LINGO2: variants seen among roughly 807,000 people sequenced by gnomAD.
LINGO2 encodes leucine rich repeat and Ig domain containing 2, also known as leucine-rich repeat and immunoglobulin-like domain-containing nogo receptor-interacting protein 2.
LINGO2 carries 14 observed loss-of-function variants against 30.6 expected under a neutral mutation model. That is an observed-to-expected ratio of 0.46 (90% CI 0.30 to 0.72). LINGO2 has a LOEUF of 0.72. Among genes scored for constraint, LINGO2 ranks in the 30% least tolerant of loss-of-function variants. The probability of loss-of-function intolerance (pLI) is 0.07; values close to 1 mark genes in which losing one functional copy is unlikely to be tolerated. For synonymous variants in LINGO2, 317 were observed against 288.5 expected (o/e 1.10, Z -1.00); for missense variants, 729 against 751.7 (o/e 0.97, Z 0.35).
chr9:28,964,127 C>T, the LINGO2 span, among the ~76,000 whole-genome samples: 2 of 151,854 alleles, frequency 1.3e-5, no homozygotes, highest in African/African-American at 4.8e-5. Context: ...TATATACACA[C>T]ATACATATAC....
At chr9:28,752,996 C>A in the LINGO2 span, among the ~76,000 whole-genome samples, 1 of 152,058 alleles carries the variant, frequency 6.6e-6, no homozygotes, top group African/African-American at 2.4e-5. Context: ...ATCATCACTT[C>A]CAGGCCACAT....
intron 4 of LINGO2, among the ~76,000 whole-genome samples, chr9:28,236,101 T>A (rs1821554146): frequency 6.6e-6 from 1 of 151,894 alleles, no homozygotes; most frequent in Admixed American, 6.5e-5. Flanking sequence ...AAGAAACAAA[T>A]AACATACAAT....
intron 4 of LINGO2, among the ~76,000 whole-genome samples, chr9:28,219,209 T>C (rs1820874253): frequency 1.3e-5 from 2 of 152,194 alleles, no homozygotes; most frequent in South Asian, 4.1e-4. Context: ...TGGATGTCTT[T>C]TTGTGCCAGG....
At chr9:29,142,443 A>G in the LINGO2 span, among the ~76,000 whole-genome samples, 1 of 151,892 alleles carries the variant, frequency 6.6e-6, no homozygotes, top group African/African-American at 2.4e-5. Context: ...TTAAATTCCC[A>G]TATTTAAAAA....
intron 3 of LINGO2, among the ~76,000 whole-genome samples, chr9:28,347,423 C>T (rs537072014): frequency 8.2e-5 from 2 of 24,472 alleles, no homozygotes; most frequent in South Asian, 2.8e-3. Flanking sequence ...GTTGACCTGG[C>T]AGAGAGTGAT....
At chr9:28,369,332 A>T (rs187588163) in intron 3 of LINGO2, among the ~76,000 whole-genome samples, 293 of 152,230 alleles carry the variant, frequency 1.9e-3, no homozygotes, top group Middle Eastern at 3.4e-3. Context: ...TTGGGGGGTT[A>T]TGCATTATTT....
chr9:28,023,306 C>T (rs1160415203), intron 4 of LINGO2, among the ~76,000 whole-genome samples: 4 of 152,156 alleles, frequency 2.6e-5, no homozygotes, highest in African/African-American at 9.7e-5. Flanking sequence ...TAATGTTTAT[C>T]TGGCTAGAAG....
the LINGO2 span, among the ~76,000 whole-genome samples, chr9:29,188,784 G>A: frequency 1.4e-5 from 2 of 145,666 alleles, no homozygotes; most frequent in Admixed American, 6.7e-5. Flanking sequence ...CGGCCGGGCA[G>A]AGGCGCCCCT....
At chr9:27,953,799 AAACT>A in intron 5 of LINGO2, among the ~76,000 whole-genome samples, 1 of 122,078 alleles carries the variant, frequency 8.2e-6, no homozygotes, top group East Asian at 3.2e-4. Flanking sequence ...GCATGAGAAC[AAACT>A]AATACAACTG....
intron 5 of LINGO2, among the ~76,000 whole-genome samples, chr9:27,968,966 AGTTT>A (rs1300001351): frequency 1.3e-5 from 2 of 151,826 alleles, no homozygotes; most frequent in East Asian, 1.9e-4. Flanking sequence ...TATATATTCT[AGTTT>A]ATTTATATTT....
At chr9:28,053,817 G>A (rs955835287) in intron 4 of LINGO2, among the ~76,000 whole-genome samples, 1 of 152,042 alleles carries the variant, frequency 6.6e-6, no homozygotes, top group Non-Finnish European at 1.5e-5. Flanking sequence ...AAATGATTAC[G>A]TGTTTTCAGC....
the LINGO2 span, among the ~76,000 whole-genome samples, chr9:28,858,248 C>T: frequency 2.0e-5 from 3 of 151,982 alleles, no homozygotes; most frequent in African/African-American, 7.2e-5. Context: ...TTTTGTTCTT[C>T]TCTAAGAGTG....
At chr9:28,637,616 T>G in intron 1 of LINGO2, among the ~76,000 whole-genome samples, 1 of 152,188 alleles carries the variant, frequency 6.6e-6, no homozygotes, top group East Asian at 1.9e-4. Context: ...GATTTGGTTC[T>G]CTGTTTATCT....
intron 2 of LINGO2, among the ~76,000 whole-genome samples, chr9:28,403,811 G>A (rs1356790002): frequency 6.6e-6 from 1 of 151,812 alleles, no homozygotes; most frequent in Non-Finnish European, 1.5e-5. Flanking sequence ...TCAGGGACTG[G>A]ATCCTACTCA....
chr9:29,115,501 G>A, the LINGO2 span, among the ~76,000 whole-genome samples: 1 of 151,710 alleles, frequency 6.6e-6, no homozygotes, highest in Non-Finnish European at 1.5e-5. Context: ...ATAATGTGGT[G>A]TCTCCCATAG....
chr9:28,938,848 T>C, the LINGO2 span, among the ~76,000 whole-genome samples: 1 of 152,188 alleles, frequency 6.6e-6, no homozygotes, highest in African/African-American at 2.4e-5. Flanking sequence ...AATATTATAC[T>C]ATTTCTCATA....
chr9:27,961,566 C>A (rs12685185), intron 5 of LINGO2, among the ~76,000 whole-genome samples: 26,973 of 152,140 alleles, frequency 0.18, 5,875 homozygotes, highest in African/African-American at 0.5. Flanking sequence ...GGGGCTTATA[C>A]ACTGTGATAA....
chr9:28,429,272 GA>G (rs1823546056), intron 2 of LINGO2, among the ~76,000 whole-genome samples: 1 of 152,098 alleles, frequency 6.6e-6, no homozygotes, highest in South Asian at 2.1e-4. Context: ...GTATGCTCTG[GA>G]CTTTTTTCTT....
intron 4 of LINGO2, among the ~76,000 whole-genome samples, chr9:28,029,969 G>C (rs115508110): frequency 6.6e-6 from 1 of 152,150 alleles, no homozygotes; most frequent in Non-Finnish European, 1.5e-5. Context: ...AGTGAAGAGC[G>C]TAAGAAAATG....
Sources: allele counts gnomAD v4.1 joint callset (sites outside exome capture counted in the v4.1 genomes callset), GRCh38; gene constraint gnomAD v4.1.1; transcripts MANE v1.5; gene names NCBI Gene and HGNC (gene_info 2026-07-23, HGNC 2026-07-21).